MARCHF4: variants seen among roughly 807,000 people sequenced by gnomAD.
The protein encoded by MARCHF4 is membrane associated ring-CH-type finger 4.
In MARCHF4, 14 loss-of-function variants were observed where a neutral mutation model predicts 43.9. The ratio of observed to expected loss-of-function variants is 0.32; its 90% confidence interval spans 0.21 to 0.50. The LOEUF is 0.50. MARCHF4 is among the 20% of genes least tolerant of loss of function. The pLI is 0.98. For synonymous variants in MARCHF4, 226 were observed against 213.3 expected, an observed-to-expected ratio of 1.06 and a Z score of -0.52; for missense variants, 468 against 536.7, an observed-to-expected ratio of 0.87 and a Z score of 1.27.
chr2:216,338,774 C>T (rs1012873808), intron 1 of MARCHF4, among the ~76,000 whole-genome samples: 3 of 152,178 alleles, frequency 2.0e-5, no homozygotes, highest in Admixed American at 6.5e-5. Context: ...ATACTCATGG[C>T]TCTTGAACTC....
chr2:216,298,069 C>A (rs1258114724), intron 1 of MARCHF4, among the ~76,000 whole-genome samples: 1 of 152,146 alleles, frequency 6.6e-6, no homozygotes, highest in African/African-American at 2.4e-5. Context: ...CAGTTATTTT[C>A]TGGGATTTGG....
chr2:216,263,485 G>GAGAGAGAAAGAGAGAGAGAGAGAGAGAA (rs1690779435), intron 3 of MARCHF4, among the ~76,000 whole-genome samples: 2 of 107,580 alleles, frequency 1.9e-5, no homozygotes, highest in African/African-American at 6.4e-5. Flanking sequence ...GAGAAAGAAG[G>GAGAGAGAAAGAGAGAGAGAGAGAGAGAA]AGAGAGAAAG....
At chr2:216,286,754 G>C (rs61146587) in intron 1 of MARCHF4, among the ~76,000 whole-genome samples, 2 of 151,976 alleles carry the variant, frequency 1.3e-5, no homozygotes, top group African/African-American at 4.8e-5. Flanking sequence ...TAGTGTTTAG[G>C]GCTTCTAAAA....
In MARCHF4 at chr2:216,259,218, G is replaced by C; in HGVS notation, c.*94C>G. On this transcript the variant is annotated 3_prime_UTR_variant, in exon 4 of 4. Transcript: ENST00000273067. ...CCGCCAGGTCCCCCACCCTCTGCCT[G>C]CTCCCTCTGTTGGCTCTGGGGGTGC... 2 of 1,481,988 alleles carry C rather than the reference G, an allele frequency of 1.3e-6. No individual in the cohort carries two copies. Among genetic ancestry groups the C allele is most frequent in the Non-Finnish European group, 1.8e-6 (2 of 1,120,040 alleles). 91.8% of individuals were successfully genotyped at this position (1,481,988 alleles called of 1,614,324 possible).
At chr2:216,303,992 A>C (rs889207558) in intron 1 of MARCHF4, among the ~76,000 whole-genome samples, 18 of 152,044 alleles carry the variant, frequency 1.2e-4, no homozygotes, top group Admixed American at 6.5e-4. Context: ...GAAACCTCCT[A>C]CCCACCCCAG....
chr2:216,329,925 A>G (rs1368708848), intron 1 of MARCHF4, among the ~76,000 whole-genome samples: 1 of 151,874 alleles, frequency 6.6e-6, no homozygotes, highest in Non-Finnish European at 1.5e-5. Flanking sequence ...TGTTTCTACA[A>G]AAATAAAACA....
chr2:216,322,829 A>T (rs1370048642), intron 1 of MARCHF4, among the ~76,000 whole-genome samples: 1 of 152,194 alleles, frequency 6.6e-6, no homozygotes, highest in African/African-American at 2.4e-5. Flanking sequence ...CGTCTCAAAA[A>T]AAAGAACCGG....
chr2:216,299,481 A>G (rs1017269192), intron 1 of MARCHF4, among the ~76,000 whole-genome samples: 2 of 152,016 alleles, frequency 1.3e-5, no homozygotes, highest in Admixed American at 6.5e-5. Context: ...TAAGATACCT[A>G]GATATGGGAA....
At chr2:216,277,569 C>A in intron 3 of MARCHF4, 103 bp downstream of exon 3, 6 of 1,239,700 alleles carry the variant, frequency 4.8e-6, no homozygotes, top group Non-Finnish European at 6.7e-6. Context: ...AAGCCTGGGG[C>A]CATATCTGCT....
intron 1 of MARCHF4, among the ~76,000 whole-genome samples, chr2:216,308,417 A>G (rs1192581801): frequency 6.6e-6 from 1 of 152,184 alleles, no homozygotes; most frequent in Non-Finnish European, 1.5e-5. Context: ...AAGAGAAAAG[A>G]AAAAAAGTCA....
At chr2:216,259,789 G>T in intron 3 of MARCHF4, 110 bp from the exon 4 acceptor site, 1 of 1,094,634 alleles carries the variant, frequency 9.1e-7, no homozygotes, top group Non-Finnish European at 1.3e-6. Context: ...TGGCTCCAGT[G>T]CTGAGCCATG....
intron 1 of MARCHF4, among the ~76,000 whole-genome samples, chr2:216,310,411 G>T (rs963888685): frequency 1.3e-5 from 2 of 152,104 alleles, no homozygotes; most frequent in African/African-American, 4.8e-5. Context: ...ACAGGTGCAT[G>T]ACACCAAGCC....
intron 1 of MARCHF4, among the ~76,000 whole-genome samples, chr2:216,310,601 A>G (rs1454972621): frequency 6.6e-6 from 1 of 152,052 alleles, no homozygotes; most frequent in Non-Finnish European, 1.5e-5. Flanking sequence ...GTTGTCTGTT[A>G]TTTCTAGCCA....
intron 1 of MARCHF4, among the ~76,000 whole-genome samples, chr2:216,309,858 A>C (rs1244816188): frequency 7.7e-6 from 1 of 129,940 alleles, no homozygotes; most frequent in Non-Finnish European, 1.8e-5. Context: ...ATGTAGTTCC[A>C]CTTGGCTTTC....
intron 1 of MARCHF4, among the ~76,000 whole-genome samples, chr2:216,313,883 A>G (rs1164190158): frequency 6.6e-6 from 1 of 152,222 alleles, no homozygotes; most frequent in Non-Finnish European, 1.5e-5. Context: ...AAGCCCTGAA[A>G]TAAGCATTAT....
chr2:216,354,919 CTTTCTTTCTTTCTTTCTTTCTTT>C (rs1692465754), intron 1 of MARCHF4, among the ~76,000 whole-genome samples: 18 of 114,852 alleles, frequency 1.6e-4, no homozygotes, highest in Admixed American at 2.8e-4. Flanking sequence ...TTCTTTCTTT[CTTTCTTTCTTTCTTTCTTTCTTT>C]CTTTCTTTCT....
At chr2:216,364,315 C>T (rs557985483) in intron 1 of MARCHF4, among the ~76,000 whole-genome samples, 184 of 152,150 alleles carry the variant, frequency 1.2e-3, no homozygotes, top group African/African-American at 3.9e-3. Context: ...GAAGCGGGTG[C>T]CAGGTACTGG....
intron 1 of MARCHF4, among the ~76,000 whole-genome samples, chr2:216,286,279 C>T (rs868166333): frequency 6.6e-6 from 1 of 152,182 alleles, no homozygotes; most frequent in Non-Finnish European, 1.5e-5. Context: ...GTGGCTCACG[C>T]CTGTAATGCC....
chr2:216,283,773 GGC>G (rs774617719), intron 1 of MARCHF4, 44 bp from the exon 2 acceptor site: 18 of 1,531,154 alleles, frequency 1.2e-5, no homozygotes, highest in Non-Finnish European at 1.5e-5. Flanking sequence ...GACCTACAGT[GGC>G]TGGTGGGTGA....
Sources: allele counts gnomAD v4.1 joint callset (sites outside exome capture counted in the v4.1 genomes callset), GRCh38; gene constraint gnomAD v4.1.1; transcripts MANE v1.5; gene names NCBI Gene and HGNC (gene_info 2026-07-23, HGNC 2026-07-21).